The following ITPR1 variants were observed in gnomAD, a reference collection of about 807,000 sequenced individuals.
The protein encoded by ITPR1 is inositol 1,4,5-trisphosphate receptor type 1, also known as inositol 1,4,5-trisphosphate-gated calcium channel ITPR1.
In ITPR1, 96 loss-of-function variants were observed where a neutral mutation model predicts 318.4. That is an observed-to-expected ratio of 0.30 (90% CI 0.26 to 0.36). ITPR1 has a LOEUF of 0.36. Ranked by LOEUF, ITPR1 falls within the 10% of genes least tolerant of loss-of-function variation. ITPR1 has a pLI of 1.00. For missense variants in ITPR1, 2,440 were observed against 3,460.2 expected (o/e 0.71, Z 7.40); for synonymous variants, 1,312 against 1,289.9 (o/e 1.02, Z -0.37).
At chr3:4,716,727 G>A (rs1486237396) in intron 39 of ITPR1, among the ~76,000 whole-genome samples, 26 of 152,168 alleles carry the variant, frequency 1.7e-4, no homozygotes, top group Non-Finnish European at 4.4e-5. Context: ...TTAAACAAGC[G>A]TAATTGTGAT....
chr3:4,641,801 G>A (rs1461668353), intron 6 of ITPR1, among the ~76,000 whole-genome samples: 8 of 152,198 alleles, frequency 5.3e-5, no homozygotes, highest in Non-Finnish European at 1.0e-4. Flanking sequence ...CCCCACTGAC[G>A]GATGGCAGGT....
Position 4,722,200 on chromosome 3 carries a change from C to A in ITPR1, c.5137-3346C>A, listed in dbSNP as rs559327593. Among the ~76,000 whole-genome samples, 3 of 152,232 alleles carry A rather than the reference C, an allele frequency of 2.0e-5. No individual in the cohort carries two copies. The East Asian group carries it at 5.8e-4, about 29-fold the overall frequency. ...TTAAGTTAGGTTTTGCTCACCTCGC[C>A]TAAAAACACTGGGAAGACAAGATTG... On this transcript the variant is annotated intron_variant, in intron 40 of 61. Coordinates refer to ENST00000649015, the MANE Select transcript of ITPR1 (RefSeq NM_001378452.1).
In ITPR1 at chr3:4,699,824, C is replaced by T; in HGVS notation, c.4419C>T (p.Asn1473=). 6.2e-7 allele frequency: 1 copy of T among 1,613,860 alleles called. No homozygotes were observed. The highest frequency in any genetic ancestry group is 1.7e-5 in the Admixed American group (1 of 60,022). Reference sequence around the variant, plus strand: ...CACTTGTCTTCCAGGCCTGTAACAACACTAGTGACAGGAAACATGCAGACT... The same window carrying T: ...CACTTGTCTTCCAGGCCTGTAACAATACTAGTGACAGGAAACATGCAGACT... The part of the protein sequence containing the change: ...FLVDICRACN[N]TSDRKHADSI... The change falls in exon 35 of 62, where the codon AAC becomes AAT. Residue 1473 remains asparagine (N), a synonymous_variant. Coordinates refer to ENST00000649015, the MANE Select transcript of ITPR1 (RefSeq NM_001378452.1).
At chr3:4,762,753 C>G (rs548816840) in intron 44 of ITPR1, among the ~76,000 whole-genome samples, 1 of 152,338 alleles carries the variant, frequency 6.6e-6, no homozygotes, top group South Asian at 2.1e-4. Flanking sequence ...GCTAATTCCT[C>G]TGTTAAGAAA....
intron 4 of ITPR1, among the ~76,000 whole-genome samples, chr3:4,568,385 A>T (rs1028421836): frequency 1.3e-5 from 2 of 152,122 alleles, no homozygotes; most frequent in Non-Finnish European, 2.9e-5. Flanking sequence ...CTGAACACCT[A>T]TTATGTGCCA....
intron 37 of ITPR1, among the ~76,000 whole-genome samples, chr3:4,707,358 A>G: frequency 6.6e-6 from 1 of 152,140 alleles, no homozygotes; most frequent in East Asian, 1.9e-4. Flanking sequence ...TCACTCGCAT[A>G]TTTGGCAGTT....
intron 4 of ITPR1, among the ~76,000 whole-genome samples, chr3:4,627,218 T>C (rs111852773): frequency 0.016 from 2,482 of 152,328 alleles, 66 homozygotes; most frequent in African/African-American, 0.057. Flanking sequence ...AAGGACTATT[T>C]GTCCTTGTAT....
chr3:4,647,074 G>A (rs2093474866), intron 10 of ITPR1, among the ~76,000 whole-genome samples: 1 of 151,998 alleles, frequency 6.6e-6, no homozygotes, highest in Admixed American at 6.5e-5. Context: ...CTCTTTCTAG[G>A]CAATGTTTCC....
chr3:4,809,941 A>C (rs940225307), intron 55 of ITPR1, among the ~76,000 whole-genome samples: 1 of 152,154 alleles, frequency 6.6e-6, no homozygotes, highest in Non-Finnish European at 1.5e-5. Flanking sequence ...CTTCCCTTTA[A>C]GTATCCTACT....
intron 39 of ITPR1, among the ~76,000 whole-genome samples, chr3:4,716,266 C>T (rs1478136131): frequency 6.6e-6 from 1 of 152,164 alleles, no homozygotes; most frequent in African/African-American, 2.4e-5. Flanking sequence ...CTGAATCACT[C>T]TCTAACTCAG....
chr3:4,810,585 C>T (rs146922250), intron 55 of ITPR1, among the ~76,000 whole-genome samples: 1 of 152,326 alleles, frequency 6.6e-6, no homozygotes, highest in East Asian at 1.9e-4. Context: ...GTCTCTTGAT[C>T]AGGAAATTGA....
intron 61 of ITPR1, among the ~76,000 whole-genome samples, chr3:4,843,150 T>G (rs2051490263): frequency 1.4e-5 from 2 of 145,964 alleles, no homozygotes; most frequent in African/African-American, 2.5e-5. Context: ...ACTTTAGCAG[T>G]TGCCCAATTC....
intron 4 of ITPR1, among the ~76,000 whole-genome samples, chr3:4,596,938 A>G (rs889967976): frequency 1.3e-5 from 2 of 152,186 alleles, no homozygotes; most frequent in Admixed American, 6.5e-5. Context: ...GTGTGTTGAT[A>G]TGTTACCAGG....
At chr3:4,829,685 T>C (rs767348435) in intron 60 of ITPR1, among the ~76,000 whole-genome samples, 14 of 152,202 alleles carry the variant, frequency 9.2e-5, no homozygotes, top group Non-Finnish European at 1.6e-4. Flanking sequence ...AGATTTGATA[T>C]GCCAATATTG....
At chr3:4,731,414 C>T (rs76774583) in intron 42 of ITPR1, among the ~76,000 whole-genome samples, 1,829 of 152,284 alleles carry the variant, frequency 0.012, 37 homozygotes, top group South Asian at 0.073. Context: ...ATTTGAAGCA[C>T]TCTTGGAATT....
intron 54 of ITPR1, among the ~76,000 whole-genome samples, chr3:4,803,146 G>A (rs901159523): frequency 3.3e-5 from 5 of 152,180 alleles, no homozygotes; most frequent in African/African-American, 4.8e-5. Flanking sequence ...ATGGGGAGGC[G>A]CTACACGCTT....
chr3:4,680,711 A>T lies in ITPR1; in HGVS notation c.3106+20A>T. On this transcript the variant is annotated intron_variant, in intron 25 of 61. Coordinates refer to ENST00000649015, the MANE Select transcript of ITPR1 (RefSeq NM_001378452.1). Reference sequence around the variant, plus strand: ...TACCAGGTTAGTGATTCAGAATGGAATTTCAGCCATAGAATGGGACCTGGC... The same window carrying T: ...TACCAGGTTAGTGATTCAGAATGGATTTTCAGCCATAGAATGGGACCTGGC... The T allele has an allele frequency of 6.3e-7, 1 of 1,594,910 alleles. No individual in the cohort carries two copies. The highest frequency in any genetic ancestry group is 8.5e-7 in the Non-Finnish European group (1 of 1,169,964).
At position 4,627,847 on chromosome 3, in the gene ITPR1, C is replaced by G. The variant is rs774483090; in HGVS notation, c.248C>G (p.Thr83Ser). ...GCCGCTAAGCCTGGGGCCAACAGCA[C>G]CACAGACGCAGTGCTACTCAACAAA... ...WKAAKPGANS[T>S]TDAVLLNKLH... The change falls in exon 5 of 62, where the codon ACC (threonine) becomes AGC (serine). Residue 83 changes from threonine (T) to serine (S), a missense_variant. Around this residue, in one of 23 missense-constraint regions of ITPR1, gnomAD observed 186 missense variants for 323.9 expected, o/e 0.57. Coordinates refer to ENST00000649015, the MANE Select transcript of ITPR1 (RefSeq NM_001378452.1). 3 of 1,613,490 alleles carry G rather than the reference C, an allele frequency of 1.9e-6. No individual in the cohort carries two copies. The highest frequency in any genetic ancestry group is 3.3e-5 in the Admixed American group (2 of 59,998).
intron 4 of ITPR1, among the ~76,000 whole-genome samples, chr3:4,603,856 G>T (rs887338517): frequency 1.3e-5 from 2 of 152,138 alleles, no homozygotes; most frequent in African/African-American, 4.8e-5. Flanking sequence ...TGGGTAATAC[G>T]CAGTAATGGC....
Sources: gnomAD v4.1 joint callset for allele counts (sites outside exome capture counted in the v4.1 genomes callset) on GRCh38, gnomAD v4.1.1 for gene constraint, gnomAD v4.1.1 regional missense constraint, MANE v1.5 for transcripts, NCBI Gene and HGNC (gene_info 2026-07-23, HGNC 2026-07-21) for gene names.